Variants in SEMA3D observed in about 807,000 individuals in gnomAD.
SEMA3D encodes semaphorin 3D, also known as semaphorin-3D.
A neutral mutation model predicts 100.1 loss-of-function variants in SEMA3D; 84 were observed. That is an observed-to-expected ratio of 0.84 (90% confidence interval 0.70 to 1.01). SEMA3D has a LOEUF of 1.01. Ranked by LOEUF, SEMA3D falls within the 50% of genes least tolerant of loss-of-function variation. SEMA3D has a pLI of 0.00. For missense variants in SEMA3D, 875 were observed against 934.1 expected, an observed-to-expected ratio of 0.94 and a Z score of 0.82; for synonymous variants, 312 against 320.7, an observed-to-expected ratio of 0.97 and a Z score of 0.29.
At chr7:85,010,629 A>G (rs1789925119) in intron 17 of SEMA3D, among the ~76,000 whole-genome samples, 2 of 151,870 alleles carry the variant, frequency 1.3e-5, no homozygotes, top group South Asian at 4.1e-4. Flanking sequence ...GCTTTTTGAC[A>G]TAAGTAGCTG....
At chr7:85,215,044 T>G in the SEMA3D span, among the ~76,000 whole-genome samples, 1 of 151,994 alleles carries the variant, frequency 6.6e-6, no homozygotes, top group Non-Finnish European at 1.5e-5. Flanking sequence ...CCCTTTAGCT[T>G]GTATTATAAA....
In SEMA3D at chr7:84,998,067, T is replaced by TTAAC. The variant is rs754861462; in HGVS notation, c.*1369_*1372dup. On this transcript the variant is annotated 3_prime_UTR_variant, in exon 19 of 19. Coordinates refer to ENST00000284136, the MANE Select transcript of SEMA3D (RefSeq NM_001384900.1). ...AAAACAATACTACAATTACAACAGATTAACTCAGCAATGAGAAAAGGTTGA... is the reference window on the plus strand; with the variant it reads ...AAAACAATACTACAATTACAACAGATTAACTAACTCAGCAATGAGAAAAGGTTGA... The TTAAC allele has an allele frequency of 6.6e-6, 1 of 152,150 alleles. No individual in the cohort carries two copies. The highest frequency in any genetic ancestry group is 1.5e-5 in the Non-Finnish European group (1 of 67,992). 9.4% of individuals were successfully genotyped at this position (152,150 alleles called of 1,614,324 possible).
intron 15 of SEMA3D, among the ~76,000 whole-genome samples, chr7:85,016,029 A>T (rs1465131901): frequency 6.6e-6 from 1 of 151,776 alleles, no homozygotes; most frequent in African/African-American, 2.4e-5. Context: ...GCATAATAAC[A>T]TAGTACTCAA....
the SEMA3D span, among the ~76,000 whole-genome samples, chr7:85,211,678 T>G: frequency 6.6e-6 from 1 of 152,046 alleles, no homozygotes; most frequent in African/African-American, 2.4e-5. Flanking sequence ...AAGTTTGAAC[T>G]GTGTGCGTGT....
At position 85,050,720 on chromosome 7, in the gene SEMA3D, A is replaced by G. The variant is rs1466367239; in HGVS notation, c.861+4997T>C. 5 of 521,856 alleles carry G rather than the reference A, an allele frequency of 9.6e-6. No homozygotes were observed. The African/African-American group carries it at 9.9e-5, about 10-fold the overall frequency. The allele number at this position is 521,856 out of a possible 1,614,324, so 32.3% of individuals were successfully genotyped here. On this transcript the variant is annotated intron_variant, in intron 9 of 18. Coordinates refer to ENST00000284136, the MANE Select transcript of SEMA3D (RefSeq NM_001384900.1). The stretch of plus-strand genomic sequence containing the variant: ...CCAAATTACTTTGACTATGTTCAGA[A>G]ATAAGATCAATCTTCAAAGCACAAA...
chr7:85,204,571 G>A, the SEMA3D span, among the ~76,000 whole-genome samples: 5 of 151,978 alleles, frequency 3.3e-5, no homozygotes, highest in Non-Finnish European at 7.4e-5. Flanking sequence ...GATGAGAAAC[G>A]GGCTCATGAT....
chr7:85,133,018 T>A (rs1370878712), intron 2 of SEMA3D, among the ~76,000 whole-genome samples: 1 of 151,990 alleles, frequency 6.6e-6, no homozygotes, highest in African/African-American at 2.4e-5. Flanking sequence ...TGGGGTATTG[T>A]CTTGTGACAG....
rs1788940931 is a variant in SEMA3D, at chr7:85,106,807, G to A, written c.152-8842C>T. Among the ~76,000 whole-genome samples, 2 of 152,026 alleles carry A rather than the reference G, an allele frequency of 1.3e-5. 1 individual carries two copies. The highest frequency in any genetic ancestry group is 4.1e-4 in the South Asian group (2 of 4,824). ...CAGGGCAGCAGGATGAAAAATGAGT[G>A]CAAGCAGGGGAAATGCCAGATGCTT... On this transcript the variant is annotated intron_variant, in intron 3 of 18. Coordinates refer to ENST00000284136, the MANE Select transcript of SEMA3D (RefSeq NM_001384900.1).
intron 17 of SEMA3D, among the ~76,000 whole-genome samples, chr7:85,012,505 A>G (rs757027991): frequency 3.3e-5 from 5 of 151,802 alleles, no homozygotes; most frequent in African/African-American, 7.2e-5. Context: ...TTCAAACTTT[A>G]TAAGGATGGA....
the SEMA3D span, among the ~76,000 whole-genome samples, chr7:85,220,311 G>T: frequency 4.7e-5 from 7 of 149,156 alleles, no homozygotes; most frequent in African/African-American, 7.4e-5. Context: ...ATACATATGG[G>T]TGGCAGAGTT....
intron 2 of SEMA3D, chr7:85,144,438 T>C: frequency 1.0e-6 from 1 of 977,588 alleles, no homozygotes; most frequent in South Asian, 4.7e-5. Context: ...ACCCACACAC[T>C]TCATCCTCTT....
intron 1 of SEMA3D, among the ~76,000 whole-genome samples, chr7:85,159,062 A>G (rs921795469): frequency 6.6e-6 from 1 of 151,940 alleles, no homozygotes; most frequent in Non-Finnish European, 1.5e-5. Context: ...GGGACCCAAC[A>G]CCTTTAGTTC....
the SEMA3D span, among the ~76,000 whole-genome samples, chr7:85,208,994 C>T: frequency 2.0e-5 from 3 of 152,024 alleles, no homozygotes; most frequent in Non-Finnish European, 2.9e-5. Context: ...TTTTATGCCT[C>T]GTTAGCCTTA....
intron 9 of SEMA3D, among the ~76,000 whole-genome samples, chr7:85,052,901 T>A (rs1241540926): frequency 6.6e-6 from 1 of 152,014 alleles, no homozygotes; most frequent in Admixed American, 6.6e-5. Context: ...CCTTTACCCA[T>A]TTTTATATAA....
rs3076567 is a variant in SEMA3D at position 85,181,319 on chromosome 7, A to AACACAC, written c.-173+5353_-173+5358dup. Among the ~76,000 whole-genome samples the AACACAC allele has an allele frequency of 4.2e-3, 396 of 93,662 alleles. 1 individual carries two copies. Among genetic ancestry groups the AACACAC allele is most frequent in the Non-Finnish European group, 5.4e-3 (257 of 47,280 alleles). The allele number at this position is 93,662 out of a possible 152,430, so 61.4% of individuals were successfully genotyped here. On this transcript the variant is annotated intron_variant, in intron 1 of 18. Coordinates refer to ENST00000284136, the MANE Select transcript of SEMA3D (RefSeq NM_001384900.1). ...TGACAAAGAATAAAGACATGCTCAC[A>AACACAC]ACACACACACACACACACACACACA...
At chr7:85,226,434 TATTAAATGAC>T in the SEMA3D span, among the ~76,000 whole-genome samples, 160 of 152,336 alleles carry the variant, frequency 1.1e-3, no homozygotes, top group East Asian at 8.9e-3. Context: ...TATGCATTCT[TATTAAATGAC>T]ATACTCATTG....
the SEMA3D span, among the ~76,000 whole-genome samples, chr7:85,246,756 T>C: frequency 6.6e-6 from 1 of 151,912 alleles, no homozygotes; most frequent in Non-Finnish European, 1.5e-5. Flanking sequence ...AATTCCACTC[T>C]TTGGTAGGTA....
chr7:85,131,758 G>A (rs1789729903), intron 2 of SEMA3D, among the ~76,000 whole-genome samples: 2 of 151,770 alleles, frequency 1.3e-5, no homozygotes, highest in South Asian at 4.1e-4. Context: ...AATCTTAACA[G>A]GTGGTAATTT....
At chr7:85,144,850 G>A (rs1222131915) in intron 2 of SEMA3D, among the ~76,000 whole-genome samples, 5 of 152,058 alleles carry the variant, frequency 3.3e-5, no homozygotes, top group Non-Finnish European at 5.9e-5. Context: ...TAGAGAAATT[G>A]TCATCATAAA....
Sources: gnomAD v4.1 joint callset for allele counts (sites outside exome capture counted in the v4.1 genomes callset) on GRCh38, gnomAD v4.1.1 for gene constraint, MANE v1.5 for transcripts, NCBI Gene and HGNC (gene_info 2026-07-23, HGNC 2026-07-21) for gene names.